TLN2: variants seen among roughly 807,000 people sequenced by gnomAD.
The protein encoded by TLN2 is talin 2.
A neutral mutation model predicts 294.7 loss-of-function variants in TLN2; 118 were observed. The ratio of observed to expected loss-of-function variants is 0.40; its 90% CI spans 0.34 to 0.47. The LOEUF is 0.47. TLN2 is among the 20% of genes least tolerant of loss of function. The probability of loss-of-function intolerance (pLI) is 0.84; values close to 1 mark genes in which losing one functional copy is unlikely to be tolerated. For missense variants in TLN2, 3,083 were observed against 3,282.2 expected (o/e 0.94, Z 1.48); for synonymous variants, 1,431 against 1,304.5 (o/e 1.10, Z -2.09).
intron 45 of TLN2, among the ~76,000 whole-genome samples, chr15:62,788,946 C>T (rs909583985): frequency 6.6e-5 from 10 of 152,200 alleles, no homozygotes; most frequent in Non-Finnish European, 1.2e-4. Context: ...TTAATGGGCT[C>T]ACCCAGAATG....
intron 54 of TLN2, among the ~76,000 whole-genome samples, chr15:62,825,223 A>C (rs906336414): frequency 6.6e-6 from 1 of 152,218 alleles, no homozygotes; most frequent in Non-Finnish European, 1.5e-5. Context: ...CAGCTAGAGA[A>C]CACCGGCTTT....
At chr15:62,698,616 A>G in intron 15 of TLN2, 138 bp from the exon 16 acceptor site, 1 of 631,468 alleles carries the variant, frequency 1.6e-6, no homozygotes, top group East Asian at 2.7e-5. Flanking sequence ...GAAATGGGAG[A>G]TGGTTGAGGC....
intron 28 of TLN2, among the ~76,000 whole-genome samples, chr15:62,732,359 C>A (rs1419641685): frequency 2.0e-5 from 3 of 152,068 alleles, no homozygotes; most frequent in African/African-American, 7.2e-5. Flanking sequence ...AAGGCAGTTG[C>A]ATAAGTGAGC....
chr15:62,800,249 CTT>C (rs1269812857), intron 48 of TLN2, 117 bp from the exon 49 acceptor site: 1 of 1,481,546 alleles, frequency 6.7e-7, no homozygotes, highest in East Asian at 2.3e-5. Flanking sequence ...ATGCTGCAGA[CTT>C]CAGACTGTCT....
At chr15:62,717,851 C>T (rs1219579452) in intron 24 of TLN2, among the ~76,000 whole-genome samples, 162 bp downstream of exon 24, 2 of 152,190 alleles carry the variant, frequency 1.3e-5, no homozygotes, top group African/African-American at 4.8e-5. Context: ...GGTTTTTGTC[C>T]ATTAAGTGGA....
chr15:62,464,434 G>T lies in TLN2; in HGVS notation c.-238+73749G>T, dbSNP rs546945693. Reference sequence around the variant, plus strand: ...ACTGGGGCCTGTTGTGGGATCGGGGGAGTGGGGAGGGATAGCATTAGGAGA... The same window carrying T: ...ACTGGGGCCTGTTGTGGGATCGGGGTAGTGGGGAGGGATAGCATTAGGAGA... On this transcript the variant is annotated intron_variant, in intron 1 of 58. Transcript: ENST00000636159. Among the ~76,000 whole-genome samples, 5 of 152,236 alleles carry T rather than the reference G, an allele frequency of 3.3e-5. 1 individual carries two copies. In the South Asian group the frequency reaches 1.0e-3, roughly 32 times the overall value.
intron 1 of TLN2, among the ~76,000 whole-genome samples, chr15:62,411,429 A>ATGGATGTGTGTG (rs2033769575): frequency 1.5e-5 from 2 of 136,598 alleles, no homozygotes; most frequent in Admixed American, 1.5e-4. Flanking sequence ...TGAGTAATGG[A>ATGGATGTGTGTG]TGTGTGTGTG....
intron 1 of TLN2, among the ~76,000 whole-genome samples, chr15:62,539,653 G>C (rs2041559269): frequency 6.6e-6 from 1 of 152,130 alleles, no homozygotes; most frequent in Non-Finnish European, 1.5e-5. Flanking sequence ...GTGCCTGGTG[G>C]GGCCGGGTGG....
At chr15:62,829,863 A>G (rs561076001) in intron 54 of TLN2, 6 of 152,240 alleles carry the variant, frequency 3.9e-5, no homozygotes, top group African/African-American at 1.4e-4. Context: ...TGATTTCTGG[A>G]TCCCACAAAT....
At chr15:62,831,294 G>T (rs988568754) in intron 54 of TLN2, 3 of 151,950 alleles carry the variant, frequency 2.0e-5, no homozygotes, top group African/African-American at 7.3e-5. Context: ...GAGACTTCAG[G>T]AGCCGCCATG....
intron 1 of TLN2, among the ~76,000 whole-genome samples, chr15:62,476,994 A>G (rs1320616772): frequency 6.6e-6 from 1 of 152,190 alleles, no homozygotes; most frequent in Non-Finnish European, 1.5e-5. Flanking sequence ...AGATCTCTTT[A>G]GTCGTTAGTA....
At chr15:62,749,748 A>G (rs945044123) in intron 33 of TLN2, among the ~76,000 whole-genome samples, 8 of 152,182 alleles carry the variant, frequency 5.3e-5, no homozygotes, top group Non-Finnish European at 5.9e-5. Flanking sequence ...AGTCCCTTAC[A>G]AGTGGTGATC....
At chr15:62,588,187 A>C (rs2045781838) in intron 1 of TLN2, among the ~76,000 whole-genome samples, 1 of 152,036 alleles carries the variant, frequency 6.6e-6, no homozygotes, top group Non-Finnish European at 1.5e-5. Context: ...GCCTAAAATT[A>C]CATATTTTTA....
At chr15:62,723,037 A>G (rs2060240896) in intron 26 of TLN2, among the ~76,000 whole-genome samples, 1 of 152,224 alleles carries the variant, frequency 6.6e-6, no homozygotes, top group Non-Finnish European at 1.5e-5. Flanking sequence ...TCTGGAGCAT[A>G]TTAATTACCA....
At chr15:62,612,353 A>G (rs577374475) in intron 2 of TLN2, among the ~76,000 whole-genome samples, 2 of 152,228 alleles carry the variant, frequency 1.3e-5, no homozygotes, top group African/African-American at 4.8e-5. Flanking sequence ...CCTCTAGGAA[A>G]TGTTGTTTTC....
At chr15:62,632,092 A>G (rs2049955248) in intron 3 of TLN2, among the ~76,000 whole-genome samples, 1 of 152,216 alleles carries the variant, frequency 6.6e-6, no homozygotes, top group Non-Finnish European at 1.5e-5. Context: ...AATCTTTCAT[A>G]CAAACTTATT....
chr15:62,557,786 C>T (rs972491282), intron 1 of TLN2, among the ~76,000 whole-genome samples: 2 of 152,198 alleles, frequency 1.3e-5, no homozygotes, highest in Admixed American at 6.5e-5. Flanking sequence ...AGTGATCCAC[C>T]CACCTTGGCC....
intron 1 of TLN2, among the ~76,000 whole-genome samples, chr15:62,561,688 A>AT (rs1311279439): frequency 6.6e-6 from 1 of 151,862 alleles, no homozygotes; most frequent in African/African-American, 2.4e-5. Context: ...CAAAAGGTGT[A>AT]TCATCCCTTG....
intron 1 of TLN2, among the ~76,000 whole-genome samples, chr15:62,516,667 C>T (rs2040207330): frequency 6.6e-6 from 1 of 152,182 alleles, no homozygotes; most frequent in Admixed American, 6.5e-5. Context: ...TGTCCTTCTG[C>T]CTTTGGTACC....
Sources: gnomAD v4.1 joint callset for allele counts (sites outside exome capture counted in the v4.1 genomes callset) on GRCh38, gnomAD v4.1.1 for gene constraint, MANE v1.5 for transcripts, NCBI Gene and HGNC (gene_info 2026-07-23, HGNC 2026-07-21) for gene names.